FABP6: variants seen among roughly 807,000 people sequenced by gnomAD.
FABP6 encodes gastrotropin.
A neutral mutation model predicts 14.9 loss-of-function variants in FABP6; 13 were observed. The ratio of observed to expected loss-of-function variants is 0.87; its 90% CI spans 0.57 to 1.39. FABP6 has a LOEUF of 1.39. FABP6 is among the 40% of genes most tolerant of loss of function. FABP6 has a pLI of 0.00. For missense variants in FABP6, 161 were observed against 167.2 expected (o/e 0.96, Z 0.20); for synonymous variants, 75 against 63.6 (o/e 1.18, Z -0.85).
chr5:160,229,825 TA>T (rs1481631363), intron 1 of FABP6, among the ~76,000 whole-genome samples: 3 of 338 alleles, frequency 8.9e-3, no homozygotes, highest in Non-Finnish European at 0.013. Context: ...TTAACTTTTT[TA>T]TTTTATTTTA....
In FABP6 at chr5:160,234,873, C is replaced by G; in HGVS notation, c.297C>G (p.His99Gln). Residue 99 changes from histidine (H) to glutamine (Q), a missense_variant, in exon 3 of 4, where the codon CAC becomes CAG. Coordinates refer to ENST00000402432, the MANE Select transcript of FABP6 (RefSeq NM_001445.3). ...GKLVVNFPNY[H>Q]QTSEIVGDKL... ...TGGTGGTGAATTTCCCCAACTATCA[C>G]CAGACCTCAGAGATCGTGGGTGACA... 6 of 1,611,228 alleles carry G rather than the reference C, an allele frequency of 3.7e-6. No individual in the cohort carries two copies. Among genetic ancestry groups the G allele is most frequent in the Non-Finnish European group, 4.2e-6 (5 of 1,178,562 alleles).
intron 3 of FABP6, among the ~76,000 whole-genome samples, chr5:160,215,517 GA>G (rs35492213): frequency 0.24 from 32,678 of 135,906 alleles, 3,632 homozygotes; most frequent in Middle Eastern, 0.3. Flanking sequence ...CTGTCTCAGA[GA>G]AAAAAAAAAA....
At chr5:160,194,071 T>C (rs534067642) in intron 1 of FABP6, among the ~76,000 whole-genome samples, 1 of 152,290 alleles carries the variant, frequency 6.6e-6, no homozygotes, top group South Asian at 2.1e-4. Flanking sequence ...CGGCGAGAAA[T>C]CAAGCGCAGC....
At chr5:160,214,712 G>C (rs1759977586) in intron 3 of FABP6, among the ~76,000 whole-genome samples, 1 of 151,846 alleles carries the variant, frequency 6.6e-6, no homozygotes, top group Admixed American at 6.6e-5. Flanking sequence ...CCAACTCTTT[G>C]GGAGGCTGAG....
At chr5:160,224,847 G>A (rs1052714275), upstream of FABP6, among the ~76,000 whole-genome samples, 2 of 150,330 alleles carry the variant, frequency 1.3e-5, no homozygotes, top group Admixed American at 6.6e-5. Flanking sequence ...GCATGATCTC[G>A]GCTCACTGCA....
chr5:160,229,172 G>T (rs1760312869), upstream of FABP6, among the ~76,000 whole-genome samples: 1 of 152,208 alleles, frequency 6.6e-6, no homozygotes, highest in Non-Finnish European at 1.5e-5. Context: ...TGCAGCAAGT[G>T]CTCAAGTGCT....
upstream of FABP6, chr5:160,229,391 C>T: frequency 3.4e-6 from 5 of 1,466,318 alleles, no homozygotes; most frequent in Non-Finnish European, 4.5e-6. Context: ...CTGCCCACAT[C>T]ATAAAACAGC....
At chr5:160,221,359 G>A (rs1024282284) in intron 3 of FABP6, among the ~76,000 whole-genome samples, 7 of 152,068 alleles carry the variant, frequency 4.6e-5, no homozygotes, top group Non-Finnish European at 8.8e-5. Flanking sequence ...TGGAGGAGGC[G>A]GGGGTGAAGG....
intron 3 of FABP6, among the ~76,000 whole-genome samples, chr5:160,223,332 C>CCCGTCCTTCCTTCCTTCCTTCCTT (rs1760168275): frequency 2.1e-5 from 2 of 93,408 alleles, no homozygotes; most frequent in African/African-American, 5.1e-5. Flanking sequence ...TTTTTGCCCG[C>CCCGTCCTTCCTTCCTTCCTTCCTT]CCTTCCTTCC....
intron 2 of FABP6, among the ~76,000 whole-genome samples, chr5:160,206,471 G>A (rs1397170460): frequency 6.6e-6 from 1 of 152,046 alleles, no homozygotes; most frequent in African/African-American, 2.4e-5. Flanking sequence ...TATTCTACAT[G>A]TATCCACAGT....
chr5:160,199,258 CTCTGTGATGCTA>C (rs1159428322), intron 2 of FABP6: 2 of 1,169,740 alleles, frequency 1.7e-6, no homozygotes, highest in African/African-American at 3.0e-5. Flanking sequence ...GCTCGCCTTT[CTCTGTGATGCTA>C]ATAACAGACT....
intron 3 of FABP6, among the ~76,000 whole-genome samples, chr5:160,216,987 C>G (rs1012362938): frequency 6.6e-6 from 1 of 152,162 alleles, no homozygotes; most frequent in Non-Finnish European, 1.5e-5. Flanking sequence ...CTCCGCTTAC[C>G]ACCTGGACAT....
At chr5:160,215,898 G>A (rs1638701676) in intron 3 of FABP6, among the ~76,000 whole-genome samples, 1 of 152,302 alleles carries the variant, frequency 6.6e-6, no homozygotes, top group African/African-American at 2.4e-5. Flanking sequence ...ATGAACTTGA[G>A]GTGGTGTTAC....
intron 1 of FABP6, among the ~76,000 whole-genome samples, chr5:160,193,894 C>T (rs930686703): frequency 1.3e-5 from 2 of 152,130 alleles, no homozygotes; most frequent in African/African-American, 4.8e-5. Context: ...GCCATGCGCT[C>T]GCACTCCTCA....
At chr5:160,235,458 A>C (rs1006542392) in intron 3 of FABP6, among the ~76,000 whole-genome samples, 1 of 152,208 alleles carries the variant, frequency 6.6e-6, no homozygotes, top group Non-Finnish European at 1.5e-5. Flanking sequence ...CAGGTCCCAC[A>C]CACACATCTG....
intron 2 of FABP6, among the ~76,000 whole-genome samples, chr5:160,212,517 A>G (rs1038157866): frequency 1.3e-5 from 2 of 149,904 alleles, no homozygotes; most frequent in Non-Finnish European, 3.0e-5. Context: ...CAACCAGGTT[A>G]GACTGCAGTG....
At chr5:160,238,403 C>A (rs1380075319) in intron 3 of FABP6, among the ~76,000 whole-genome samples, 1 of 152,218 alleles carries the variant, frequency 6.6e-6, no homozygotes, top group East Asian at 1.9e-4. Flanking sequence ...AGCCACATCA[C>A]CCCTCACAGC....
chr5:160,238,477 C>T lies in FABP6; in HGVS notation c.334-129C>T, dbSNP rs1354597665. The T allele has an allele frequency of 6.8e-6, 5 of 730,220 alleles. No individual in the cohort carries two copies. The African/African-American group carries it at 6.9e-5, about 10-fold the overall frequency. The allele number at this position is 730,220 out of a possible 1,614,324, so 45.2% of individuals were successfully genotyped here. On this transcript the variant is annotated intron_variant, in intron 3 of 3. Transcript: ENST00000402432. Reference sequence around the variant, plus strand: ...CTGGAACAAATTGGGAAACTGAGGCCGAAAGAAGTGGTGCGCCTGACTCTT... The same window carrying T: ...CTGGAACAAATTGGGAAACTGAGGCTGAAAGAAGTGGTGCGCCTGACTCTT...
intron 2 of FABP6, among the ~76,000 whole-genome samples, chr5:160,200,488 C>A (rs1258571315): frequency 1.3e-5 from 2 of 151,744 alleles, no homozygotes; most frequent in Non-Finnish European, 2.9e-5. Context: ...TCTTGGCTCA[C>A]TGCAACATCT....
Sources: allele counts gnomAD v4.1 joint callset (sites outside exome capture counted in the v4.1 genomes callset), GRCh38; gene constraint gnomAD v4.1.1; transcripts MANE v1.5; gene names NCBI Gene and HGNC (gene_info 2026-07-23, HGNC 2026-07-21).